The following SLC25A38 variants were observed in gnomAD, a reference collection of about 807,000 sequenced individuals.
The protein encoded by SLC25A38 is solute carrier family 25 member 38.
SLC25A38 carries 27 observed loss-of-function variants against 33.4 expected under a neutral mutation model. That is an observed-to-expected ratio of 0.81 (90% CI 0.60 to 1.11). The LOEUF is 1.11. SLC25A38 is among the 50% of genes most tolerant of loss of function. SLC25A38 has a pLI of 0.00. For synonymous variants in SLC25A38, 123 were observed against 145.9 expected, an observed-to-expected ratio of 0.84 and a Z score of 1.13; for missense variants, 344 against 388.8, an observed-to-expected ratio of 0.88 and a Z score of 0.97.
intron 5 of SLC25A38, 83 bp from the exon 6 acceptor site, chr3:39,394,327 G>T (rs2041805442): frequency 6.4e-7 from 1 of 1,563,592 alleles, no homozygotes; most frequent in Non-Finnish European, 8.8e-7. Flanking sequence ...TTGGTTTGGG[G>T]AAGAATTGGT....
rs957610621 is a variant in SLC25A38 at position 39,397,173 on chromosome 3, A to T, written c.*653A>T. 6.4e-6 allele frequency: 1 copy of T among 155,172 alleles called. No individual in the cohort carries two copies. The highest frequency in any genetic ancestry group is 1.4e-5 in the Non-Finnish European group (1 of 69,840). The allele number at this position is 155,172 out of a possible 1,614,324, so 9.6% of individuals were successfully genotyped here. ...CTGGCATTTTTTTTTCCCTGCAATT[A>T]AAGTGCTGTACTTTATTTATTGAAC... On this transcript the variant is annotated 3_prime_UTR_variant, in exon 7 of 7. Transcript: ENST00000650617.
rs181775483 is a variant in SLC25A38, at chr3:39,389,846, T to C, written c.191+230T>C. On this transcript the variant is annotated intron_variant, in intron 2 of 6. Coordinates refer to ENST00000650617, the MANE Select transcript of SLC25A38 (RefSeq NM_017875.4). This position sits in a 1 kb window ranked among gnomAD's most constrained non-coding sequence, Gnocchi z 4.5. ...AATCGGCTCAGTGACATTTACACTT[T>C]ATTGTGTTAGCTTGTGATGTTATAA... Among the ~76,000 whole-genome samples, 118 of 152,324 alleles carry C rather than the reference T, an allele frequency of 7.7e-4. 1 individual carries two copies. Among genetic ancestry groups the C allele is most frequent in the African/African-American group, 2.8e-3 (116 of 41,572 alleles).
intron 2 of SLC25A38, 124 bp from the exon 3 acceptor site, chr3:39,390,299 T>C: frequency 2.2e-6 from 2 of 927,462 alleles, no homozygotes; most frequent in South Asian, 1.3e-5. Flanking sequence ...CCAAGGTGCA[T>C]TGTAGAGATT....
intron 2 of SLC25A38, 25 bp from the exon 3 acceptor site, chr3:39,390,398 C>T (rs1022532510): frequency 6.2e-7 from 1 of 1,613,166 alleles, no homozygotes; most frequent in African/African-American, 1.3e-5. Context: ...TTTTTCCTTC[C>T]TGTCTCCATT....
chr3:39,394,062 T>C (rs937619154), intron 5 of SLC25A38, among the ~76,000 whole-genome samples: 4 of 152,216 alleles, frequency 2.6e-5, no homozygotes, highest in African/African-American at 4.8e-5. Context: ...GACAGGTATC[T>C]TCCCTGAAAA....
intron 1 of SLC25A38, among the ~76,000 whole-genome samples, chr3:39,385,934 G>A (rs998406157): frequency 1.3e-5 from 2 of 152,178 alleles, no homozygotes; most frequent in Admixed American, 6.5e-5. Flanking sequence ...CCTCCAGTAT[G>A]GCTGCAGAGT....
chr3:39,388,016 A>G (rs1361672707), intron 1 of SLC25A38, among the ~76,000 whole-genome samples: 1 of 152,114 alleles, frequency 6.6e-6, no homozygotes, highest in Non-Finnish European at 1.5e-5. Context: ...GAGATGGTGT[A>G]GCGTCAGGCT....
chr3:39,388,847 A>C (rs552963169), intron 1 of SLC25A38, among the ~76,000 whole-genome samples: 1 of 152,290 alleles, frequency 6.6e-6, no homozygotes, highest in African/African-American at 2.4e-5. Flanking sequence ...CCACCCTTCC[A>C]GGTGGTGTCT....
chr3:39,383,462 G>C lies in SLC25A38; in HGVS notation c.-263G>C, dbSNP rs1220916635. ...GCAGCAGGGCAGGATGGGCAGGAGA[G>C]CAGAGCCGCGGAGTCTGCGGCGCGG... is the stretch of plus-strand genomic sequence containing the variant. On this transcript the variant is annotated 5_prime_UTR_variant, in exon 1 of 7. Transcript: ENST00000650617. 11 of 530,240 alleles carry C rather than the reference G, an allele frequency of 2.1e-5. 1 individual carries two copies. The Admixed American group carries it at 2.5e-4, about 12-fold the overall frequency. The allele number at this position is 530,240 out of a possible 1,614,324, so 32.8% of individuals were successfully genotyped here.
chr3:39,393,881 C>T (rs1171021419), intron 5 of SLC25A38, among the ~76,000 whole-genome samples: 1 of 152,178 alleles, frequency 6.6e-6, no homozygotes, highest in African/African-American at 2.4e-5. Flanking sequence ...AGAGTATAGG[C>T]CAGTTATATA....
chr3:39,387,556 T>C (rs1414875720), intron 1 of SLC25A38, among the ~76,000 whole-genome samples: 2 of 152,162 alleles, frequency 1.3e-5, no homozygotes, highest in African/African-American at 2.4e-5. Context: ...CCAGTGTGGA[T>C]TGGAGAAGAG....
chr3:39,392,627 A>G (rs1480450803), intron 5 of SLC25A38, among the ~76,000 whole-genome samples: 3 of 152,098 alleles, frequency 2.0e-5, no homozygotes, highest in Non-Finnish European at 4.4e-5. Flanking sequence ...CAAAATTGGT[A>G]GGCAGTAAAC....
chr3:39,383,640 T>A lies in SLC25A38; in HGVS notation c.-85T>A. On this transcript the variant is annotated 5_prime_UTR_variant, in exon 1 of 7. Transcript: ENST00000650617. ...GCGTCGCCTGGCTAGCGCCACCCCC[T>A]AGCCTTCTTCAAGGCCTCCAGGGCT... 6.6e-7 allele frequency: 1 copy of A among 1,520,342 alleles called. No homozygotes were observed. 94.2% of individuals were successfully genotyped at this position (1,520,342 alleles called of 1,614,324 possible).
In SLC25A38 at chr3:39,391,617, T is replaced by C; in HGVS notation, c.453T>C (p.Tyr151=). Residue 151 remains tyrosine, a synonymous_variant, in exon 4 of 7, where the codon TAT becomes TAC. Coordinates refer to ENST00000650617, the MANE Select transcript of SLC25A38 (RefSeq NM_017875.4). The stretch of plus-strand genomic sequence containing the variant: ...CTATCACTGTAATCAAGACGCGCTA[T>C]GAGGTGAGTTCAACCACTTTAGGGC... The part of the protein sequence containing the change: ...MSPITVIKTR[Y]ESGKYGYESI... 4 of 1,614,220 alleles carry C rather than the reference T, an allele frequency of 2.5e-6. No individual in the cohort carries two copies. Among genetic ancestry groups the C allele is most frequent in the Non-Finnish European group, 3.4e-6 (4 of 1,180,040 alleles).
chr3:39,384,640 G>GT (rs1203761232), intron 1 of SLC25A38: 2 of 398,320 alleles, frequency 5.0e-6, no homozygotes, highest in Admixed American at 4.4e-5. Flanking sequence ...ACTTAGGATA[G>GT]TTTTTTCAGG....
intron 6 of SLC25A38, 104 bp from the exon 7 acceptor site, chr3:39,396,294 A>T: frequency 6.5e-7 from 1 of 1,545,818 alleles, no homozygotes; most frequent in African/African-American, 1.4e-5. Context: ...TTAGAAACTA[A>T]GTCTTAAACA....
At chr3:39,395,685 C>A (rs2041820015) in intron 6 of SLC25A38, among the ~76,000 whole-genome samples, 2 of 151,686 alleles carry the variant, frequency 1.3e-5, no homozygotes, top group African/African-American at 4.8e-5. Context: ...CAGTGAATTA[C>A]AAAAAGATAA....
In SLC25A38 at chr3:39,389,700, T is replaced by C. The variant is rs1470605751; in HGVS notation, c.191+84T>C. 1.2e-6 allele frequency: 2 copies of C among 1,605,994 alleles called. No homozygotes were observed. Among genetic ancestry groups the C allele is most frequent in the Non-Finnish European group, 1.7e-6 (2 of 1,173,698 alleles). Reference sequence around the variant, plus strand: ...CTTTACTGTGTTAAGTCAACTTCCATTCTGTTGGATGTTCAGAGAGAAACA... The same window carrying C: ...CTTTACTGTGTTAAGTCAACTTCCACTCTGTTGGATGTTCAGAGAGAAACA... On this transcript the variant is annotated intron_variant, in intron 2 of 6. Coordinates refer to ENST00000650617, the MANE Select transcript of SLC25A38 (RefSeq NM_017875.4). The surrounding 1 kb of genome is among the most constrained non-coding windows in gnomAD (Gnocchi z 4.5).
At position 39,389,113 on chromosome 3, in the gene SLC25A38, C is replaced by A. The variant is rs1041970196; in HGVS notation, c.70-382C>A. On this transcript the variant is annotated intron_variant, in intron 1 of 6. Transcript: ENST00000650617. This position sits in a 1 kb window ranked among gnomAD's most constrained non-coding sequence, Gnocchi z 4.5. ...GGTCTTAGAGCGAAGGGAGTCTGCA[C>A]ATCATCAGTTCAAAGTGAAAGCACT... is the stretch of plus-strand genomic sequence containing the variant. Among the ~76,000 whole-genome samples the A allele has an allele frequency of 1.3e-5, 2 of 152,212 alleles. No individual in the cohort carries two copies. Among genetic ancestry groups the A allele is most frequent in the Non-Finnish European group, 2.9e-5 (2 of 68,032 alleles).
Sources: allele counts gnomAD v4.1 joint callset (sites outside exome capture counted in the v4.1 genomes callset), GRCh38; gene constraint gnomAD v4.1.1; non-coding constraint Gnocchi (gnomAD v3.1); transcripts MANE v1.5; gene names NCBI Gene and HGNC (gene_info 2026-07-23, HGNC 2026-07-21).